Variants in ITGA2B observed in about 807,000 individuals in gnomAD.
ITGA2B encodes integrin subunit alpha 2b, also known as integrin alpha-IIb.
Under a neutral mutation model 142.0 loss-of-function variants are expected in ITGA2B, and 91 were observed. That is an observed-to-expected ratio of 0.64 (90% CI 0.54 to 0.76). The LOEUF (loss-of-function observed/expected upper bound fraction) is 0.76, where lower values mean the gene tolerates loss of function less well. Ranked by LOEUF, ITGA2B falls within the 30% of genes least tolerant of loss-of-function variation. The pLI, the probability that ITGA2B is intolerant of heterozygous loss-of-function variation, is 0.00. For synonymous variants in ITGA2B, 536 were observed against 567.2 expected (o/e 0.94, Z 0.78); for missense variants, 1,231 against 1,350.8 (o/e 0.91, Z 1.39).
At position 44,380,103 on chromosome 17, in the gene ITGA2B, G is replaced by A. The variant is rs1261397461; in HGVS notation, c.1651C>T (p.Arg551Trp). The A allele has an allele frequency of 8.7e-6, 14 of 1,613,812 alleles. No homozygotes were observed. Among genetic ancestry groups the A allele is most frequent in the Non-Finnish European group, 1.1e-5 (13 of 1,180,004 alleles). Residue 551 changes from arginine to tryptophan, a missense_variant, in exon 17 of 30, where the codon CGG becomes TGG. Around this residue, in one of 3 missense-constraint regions of ITGA2B, gnomAD observed 908 missense variants for 1,021.1 expected, o/e 0.89. Transcript: ENST00000262407. ...TGTTGAGAGCCCAGCAGCAGCACCC[G>A]CCGGCCCTGGCGGGGCTTCTGCCGG... ...LDRQKPRQGR[R>W]VLLLGSQQAG...
chr17:44,386,915 C>T (rs1420315929), intron 1 of ITGA2B, among the ~76,000 whole-genome samples: 1 of 152,180 alleles, frequency 6.6e-6, no homozygotes, highest in Non-Finnish European at 1.5e-5. Context: ...CCTCAGCCAC[C>T]CTAGTAGCTG....
At chr17:44,380,781 C>T (rs2048589346) in intron 13 of ITGA2B, 98 bp downstream of exon 13, 1 of 1,581,612 alleles carries the variant, frequency 6.3e-7, no homozygotes, top group Non-Finnish European at 8.7e-7. Flanking sequence ...AGTGGGACAC[C>T]AGGCCAGGCA....
chr17:44,383,458 C>G (rs1175324332), intron 12 of ITGA2B, 35 bp downstream of exon 12: 1 of 1,570,836 alleles, frequency 6.4e-7, no homozygotes, highest in South Asian at 1.2e-5. Context: ...GCTGTTAACC[C>G]CTCTGCAGCA....
intron 7 of ITGA2B, 42 bp downstream of exon 7, chr17:44,384,906 G>T (rs1598382468): frequency 1.9e-6 from 3 of 1,613,160 alleles, no homozygotes; most frequent in Non-Finnish European, 2.5e-6. Context: ...TGCGGTGGGC[G>T]GTGACCCTCG....
At chr17:44,382,841 T>C (rs1442432024) in intron 12 of ITGA2B, among the ~76,000 whole-genome samples, 3 of 152,048 alleles carry the variant, frequency 2.0e-5, no homozygotes, top group Non-Finnish European at 4.4e-5. Flanking sequence ...CTCCTCCCTC[T>C]CTGGACACTC....
intron 12 of ITGA2B, among the ~76,000 whole-genome samples, chr17:44,383,007 G>A (rs1255157304): frequency 6.6e-6 from 1 of 152,030 alleles, no homozygotes; most frequent in African/African-American, 2.4e-5. Context: ...GTGGAAGCGG[G>A]GAGAGCCACT....
At chr17:44,372,468 C>T (rs1391231006) in intron 29 of ITGA2B, 45 bp from the exon 30 acceptor site, 1 of 1,582,206 alleles carries the variant, frequency 6.3e-7, no homozygotes, top group Non-Finnish European at 8.7e-7. Context: ...AGATGATTTG[C>T]TGGCCCCAGA....
In ITGA2B at chr17:44,384,872, C is replaced by T. The variant is rs1200457636; in HGVS notation, c.799+76G>A. 5.0e-6 allele frequency: 8 copies of T among 1,608,196 alleles called. No individual in the cohort carries two copies. The Admixed American group carries it at 1.2e-4, about 23-fold the overall frequency. On this transcript the variant is annotated intron_variant, in intron 7 of 29. Transcript: ENST00000262407. ...CCGGCAGGGGTGGCCATGGAGGCTC[C>T]CACAGGGGCAGGACCTGACCGTCTG...
chr17:44,385,211 TGGAAG>T lies in ITGA2B; in HGVS notation c.625-7_625-3del. On this transcript the variant is annotated splice_region_variant and splice_polypyrimidine_tract_variant and intron_variant, in intron 5 of 29. Coordinates refer to ENST00000262407, the MANE Select transcript of ITGA2B (RefSeq NM_000419.5). ...AGCCCCAAGCACCAGCTCTCCGGCC[TGGAAG>T]GGAAGTCCTGAGGGTGAGAGGGGGC... 6.2e-7 allele frequency: 1 copy of T among 1,613,934 alleles called. No individual in the cohort carries two copies. The highest frequency in any genetic ancestry group is 8.5e-7 in the Non-Finnish European group (1 of 1,179,984).
At position 44,376,131 on chromosome 17, in the gene ITGA2B, T is replaced by G; in HGVS notation, c.2402A>C (p.Gln801Pro). Reference protein sequence around the residue: ...VVAAEEGEREQNSLDSWGPKV... With the variant: ...VVAAEEGEREPNSLDSWGPKV... ...GGGTCCCCAGCTGTCCAAGCTGTTC[T>G]GCTCCCTCTCACCTTCTTCTGCTGC... The change falls in exon 24 of 30, where the codon CAG becomes CCG. Residue 801 changes from glutamine (Q) to proline (P), a missense_variant. Physicochemically the swap from Gln to Pro is moderately conservative, Grantham distance 76. Transcript: ENST00000262407. 6.2e-7 allele frequency: 1 copy of G among 1,614,204 alleles called. No homozygotes were observed. Among genetic ancestry groups the G allele is most frequent in the South Asian group, 1.1e-5 (1 of 91,088 alleles).
intron 12 of ITGA2B, among the ~76,000 whole-genome samples, chr17:44,383,100 C>T (rs1039038847): frequency 2.6e-5 from 4 of 152,142 alleles, no homozygotes; most frequent in African/African-American, 7.2e-5. Context: ...GCTGATCTCC[C>T]GCCTCTCCCC....
At chr17:44,373,001 T>G (rs548290718) in intron 29 of ITGA2B, among the ~76,000 whole-genome samples, 56 of 152,322 alleles carry the variant, frequency 3.7e-4, no homozygotes, top group African/African-American at 1.3e-3. Flanking sequence ...CCTCTTAGCC[T>G]CCCAAGTAGC....
chr17:44,380,793 G>A, intron 13 of ITGA2B, 86 bp downstream of exon 13: 1 of 1,577,120 alleles, frequency 6.3e-7, no homozygotes, highest in South Asian at 1.1e-5. Flanking sequence ...GGCCAGGCAT[G>A]AGCCCCTGGC....
intron 21 of ITGA2B, 103 bp from the exon 22 acceptor site, chr17:44,377,191 T>A: frequency 1.2e-6 from 1 of 851,816 alleles, no homozygotes; most frequent in Non-Finnish European, 1.9e-6. Context: ...TCACCACTAT[T>A]CTTTTTCTTT....
chr17:44,379,650 G>C (rs148067822), intron 18 of ITGA2B, 39 bp downstream of exon 18: 3 of 1,613,620 alleles, frequency 1.9e-6, no homozygotes, highest in Non-Finnish European at 2.5e-6. Context: ...TGCTATCAGG[G>C]GTCCTGCACC....
At position 44,385,015 on chromosome 17, in the gene ITGA2B, C is replaced by T; in HGVS notation, c.732G>A (p.Leu244=). 1 of 1,614,140 alleles carries T rather than the reference C, an allele frequency of 6.2e-7. No homozygotes were observed. Among genetic ancestry groups the T allele is most frequent in the Non-Finnish European group, 8.5e-7 (1 of 1,180,026 alleles). Reference sequence around the variant, plus strand: ...AGAGGCTCTGGGAGGACACGTGCCACAAAAGGATGCCTGGGCGGTAACTCG... The same window carrying T: ...AGAGGCTCTGGGAGGACACGTGCCATAAAAGGATGCCTGGGCGGTAACTCG... The part of the protein sequence containing the change: ...IFSSYRPGIL[L]WHVSSQSLSF... Residue 244 remains leucine (L), a synonymous_variant, in exon 7 of 30, where the codon TTG becomes TTA. Transcript: ENST00000262407.
chr17:44,377,716 G>T lies in ITGA2B; in HGVS notation c.2169C>A (p.Pro723=). The change falls in exon 21 of 30, where the codon CCC becomes CCA. Residue 723 remains proline, a synonymous_variant. Coordinates refer to ENST00000262407, the MANE Select transcript of ITGA2B (RefSeq NM_000419.5). ...TRVVLCELGN[P]MKKNAQIGIA... ...GCCTCACCTGGGCGTTCTTCTTCAT[G>T]GGGTTGCCCAGCTCACACAGCACCA... 6.2e-7 allele frequency: 1 copy of T among 1,613,546 alleles called. No individual in the cohort carries two copies.
chr17:44,376,171 C>T lies in ITGA2B; in HGVS notation c.2362G>A (p.Ala788Thr). ...TCTTCTGCTGCCACCACCAGGGAGG[C>T]TGGAAAGGAGTTCCTGCAGGTGCCC... ...QVELRGNSFP[A>T]SLVVAAEEGE... Residue 788 changes from alanine (A) to threonine (T), a missense_variant, in exon 24 of 30, where the codon GCC becomes ACC. Coordinates refer to ENST00000262407, the MANE Select transcript of ITGA2B (RefSeq NM_000419.5). 6.2e-7 allele frequency: 1 copy of T among 1,614,158 alleles called. No individual in the cohort carries two copies. The highest frequency in any genetic ancestry group is 8.5e-7 in the Non-Finnish European group (1 of 1,180,004).
At chr17:44,380,323 T>C in intron 15 of ITGA2B, 22 bp from the exon 16 acceptor site, 1 of 1,614,188 alleles carries the variant, frequency 6.2e-7, no homozygotes, top group Non-Finnish European at 8.5e-7. Flanking sequence ...TAAGTGGGGC[T>C]CAGGGGTTGG....
Sources: gnomAD v4.1 joint callset for allele counts (sites outside exome capture counted in the v4.1 genomes callset) on GRCh38, gnomAD v4.1.1 for gene constraint, gnomAD v4.1.1 regional missense constraint, MANE v1.5 for transcripts, NCBI Gene and HGNC (gene_info 2026-07-23, HGNC 2026-07-21) for gene names.